ATP6V0A2: variants seen among roughly 807,000 people sequenced by gnomAD.
ATP6V0A2 encodes ATPase H+ transporting V0 subunit a2.
Under a neutral mutation model 104.4 loss-of-function variants are expected in ATP6V0A2, and 58 were observed. The observed-to-expected ratio is 0.56, with a 90% CI of 0.45 to 0.69. ATP6V0A2 has a LOEUF of 0.69. Among genes scored for constraint, ATP6V0A2 ranks in the 30% least tolerant of loss-of-function variants. ATP6V0A2 has a pLI of 0.00. For missense variants in ATP6V0A2, 938 were observed against 1,062.9 expected (o/e 0.88, Z 1.63); for synonymous variants, 376 against 397.9 (o/e 0.95, Z 0.65).
At chr12:123,752,204 CAAAG>C (rs1956722007) in intron 16 of ATP6V0A2, 75 bp from the exon 17 acceptor site, 1 of 1,582,322 alleles carries the variant, frequency 6.3e-7, no homozygotes, top group Non-Finnish European at 8.7e-7. Context: ...TTAAGAGAAA[CAAAG>C]AAACTATACA....
rs1456709507 is a variant in ATP6V0A2 at position 123,754,545 on chromosome 12, C to T, written c.2293+8C>T. Reference sequence around the variant, plus strand: ...TTAGCCTGGCTCACGCACGTAAGTTCCTGCTTAGACCTGCAGTTCCCAATG... The same window carrying T: ...TTAGCCTGGCTCACGCACGTAAGTTTCTGCTTAGACCTGCAGTTCCCAATG... On this transcript the variant is annotated splice_region_variant and intron_variant, in intron 18 of 19. Transcript: ENST00000330342. 2 of 1,589,662 alleles carry T rather than the reference C, an allele frequency of 1.3e-6. No homozygotes were observed. The highest frequency in any genetic ancestry group is 1.7e-6 in the Non-Finnish European group (2 of 1,157,626).
In ATP6V0A2 at chr12:123,744,942, C is replaced by A; in HGVS notation, c.1575C>A (p.Phe525Leu). The stretch of plus-strand genomic sequence containing the variant: ...TGGATCCAAGCATTCCTGGAGTGTT[C>A]CGAGGCCCTTATCCCCTTGGCATTG... The part of the protein sequence containing the change: ...LQLDPSIPGV[F>L]RGPYPLGIDP... The change falls in exon 13 of 20, where the codon TTC becomes TTA. Residue 525 changes from phenylalanine to leucine, a missense_variant. Physicochemically the swap from Phe to Leu is conservative, Grantham distance 22. Transcript: ENST00000330342. The surrounding 1 kb of genome is among the most constrained non-coding windows in gnomAD (Gnocchi z 5.4). 1 of 1,614,222 alleles carries A rather than the reference C, an allele frequency of 6.2e-7. No individual in the cohort carries two copies. Among genetic ancestry groups the A allele is most frequent in the Non-Finnish European group, 8.5e-7 (1 of 1,180,032 alleles).
intron 1 of ATP6V0A2, among the ~76,000 whole-genome samples, chr12:123,716,515 G>T (rs1298986518): frequency 6.6e-6 from 1 of 152,178 alleles, no homozygotes; most frequent in African/African-American, 2.4e-5. Context: ...TGGAGGCCGG[G>T]TGCAGTGGCT....
intron 9 of ATP6V0A2, among the ~76,000 whole-genome samples, chr12:123,743,032 T>C (rs1177516471): frequency 6.6e-6 from 1 of 152,164 alleles, no homozygotes. Context: ...TTCTTGCCTT[T>C]CTCATTTTTT....
chr12:123,746,586 C>G (rs1453879326), intron 13 of ATP6V0A2, among the ~76,000 whole-genome samples: 2 of 148,044 alleles, frequency 1.4e-5, no homozygotes, highest in African/African-American at 5.0e-5. Flanking sequence ...TGCAGTGAGC[C>G]CTGATTGCTC....
At chr12:123,736,091 T>A (rs1263279017) in intron 8 of ATP6V0A2, among the ~76,000 whole-genome samples, 1 of 151,964 alleles carries the variant, frequency 6.6e-6, no homozygotes, top group Non-Finnish European at 1.5e-5. Context: ...CAGGCTGGTC[T>A]AAAATTCCTG....
chr12:123,720,863 C>T (rs1956392618), intron 2 of ATP6V0A2, among the ~76,000 whole-genome samples: 1 of 151,442 alleles, frequency 6.6e-6, no homozygotes, highest in Non-Finnish European at 1.5e-5. Flanking sequence ...AGACCCCTGT[C>T]TCTTAAAAAA....
rs139574900 is a variant in ATP6V0A2 at position 123,742,473 on chromosome 12, C to T, written c.1039-1312C>T. Among the ~76,000 whole-genome samples, 271 of 152,268 alleles carry T rather than the reference C, an allele frequency of 1.8e-3. 1 individual carries two copies. The highest frequency in any genetic ancestry group is 3.1e-3 in the Non-Finnish European group (210 of 68,040). On this transcript the variant is annotated intron_variant, in intron 9 of 19. Transcript: ENST00000330342. ...GTTGCACTTTCTGTTCTGAAGGGGA[C>T]TTGGGGACGTTCAAAGCTGTGCCAC...
intron 6 of ATP6V0A2, among the ~76,000 whole-genome samples, chr12:123,728,978 C>T (rs1176678994): frequency 2.6e-5 from 4 of 152,226 alleles, no homozygotes; most frequent in Admixed American, 6.5e-5. Flanking sequence ...CATTACTGGT[C>T]GTGGTCACTC....
At chr12:123,740,359 C>G (rs1192733566) in intron 9 of ATP6V0A2, among the ~76,000 whole-genome samples, 1 of 152,110 alleles carries the variant, frequency 6.6e-6, no homozygotes, top group African/African-American at 2.4e-5. Context: ...TCTGCACTAC[C>G]ATGCCTGGCT....
Position 123,747,791 on chromosome 12 carries a change from C to T in ATP6V0A2, c.1724+66C>T. 3.8e-6 allele frequency: 4 copies of T among 1,054,520 alleles called. No individual in the cohort carries two copies. The South Asian group carries it at 3.8e-5, about 10-fold the overall frequency. The allele number at this position is 1,054,520 out of a possible 1,614,324, so 65.3% of individuals were successfully genotyped here. ...ACTTGGCATTTCTTCAATTTTGCTT[C>T]TTGTTGGTGACTGTATTTATTGGGT... On this transcript the variant is annotated intron_variant, in intron 14 of 19. Coordinates refer to ENST00000330342, the MANE Select transcript of ATP6V0A2 (RefSeq NM_012463.4).
chr12:123,733,582 G>A (rs1956524409), intron 6 of ATP6V0A2: 1 of 328,438 alleles, frequency 3.0e-6, no homozygotes, highest in African/African-American at 2.1e-5. Context: ...AAGCACAGAA[G>A]TGTGAAAAAC....
chr12:123,723,819 T>C (rs1158921335), intron 3 of ATP6V0A2: 17 of 152,250 alleles, frequency 1.1e-4, no homozygotes, highest in African/African-American at 3.9e-4. Flanking sequence ...GTAACTCATA[T>C]GCTAGAGACT....
chr12:123,756,800 T>C lies in ATP6V0A2; in HGVS notation c.2294-15T>C, dbSNP rs1190380508. ...ATAAGCGAGCATGACCTGTGCAGGCTGCACTCCTTTGCAGAGTTGTCTGAT... is the reference window on the plus strand; with the variant it reads ...ATAAGCGAGCATGACCTGTGCAGGCCGCACTCCTTTGCAGAGTTGTCTGAT... On this transcript the variant is annotated splice_polypyrimidine_tract_variant and intron_variant, in intron 18 of 19. Transcript: ENST00000330342. The C allele has an allele frequency of 7.4e-6, 12 of 1,613,346 alleles. No individual in the cohort carries two copies. Among genetic ancestry groups the C allele is most frequent in the Non-Finnish European group, 1.0e-5 (12 of 1,180,000 alleles).
chr12:123,747,553 C>CA, intron 13 of ATP6V0A2, 54 bp from the exon 14 acceptor site: 1 of 1,152,022 alleles, frequency 8.7e-7, no homozygotes, highest in Non-Finnish European at 1.3e-6. Flanking sequence ...TCTTGAGTGT[C>CA]ACCTGTTGAA....
intron 18 of ATP6V0A2, chr12:123,754,903 G>A: frequency 6.8e-6 from 2 of 294,110 alleles, no homozygotes; most frequent in Non-Finnish European, 1.3e-5. Flanking sequence ...TTCATTCACT[G>A]CTGCCTTACC....
At chr12:123,757,846 T>A (rs1956779018) in intron 19 of ATP6V0A2, 81 bp from the exon 20 acceptor site, 1 of 917,564 alleles carries the variant, frequency 1.1e-6, no homozygotes, top group Non-Finnish European at 1.6e-6. Flanking sequence ...CACAGGAATT[T>A]TTTTTTTTAA....
At chr12:123,722,327 A>C in intron 2 of ATP6V0A2, 24 bp from the exon 3 acceptor site, 2 of 1,350,578 alleles carry the variant, frequency 1.5e-6, no homozygotes, top group Non-Finnish European at 2.1e-6. Context: ...TTAGTATCTA[A>C]TTGTTTAACT....
At chr12:123,726,658 C>T (rs2135889710) in intron 5 of ATP6V0A2, among the ~76,000 whole-genome samples, 1 of 152,258 alleles carries the variant, frequency 6.6e-6, no homozygotes, top group South Asian at 2.1e-4. Flanking sequence ...TTAAAGATCT[C>T]CTGCTGCTGT....
Sources: gnomAD v4.1 joint callset for allele counts (sites outside exome capture counted in the v4.1 genomes callset) on GRCh38, gnomAD v4.1.1 for gene constraint, Gnocchi (gnomAD v3.1) non-coding constraint, MANE v1.5 for transcripts, NCBI Gene and HGNC (gene_info 2026-07-23, HGNC 2026-07-21) for gene names.